LRGUK: variants seen among roughly 807,000 people sequenced by gnomAD.
LRGUK encodes the protein leucine rich repeats and guanylate kinase domain containing.
In LRGUK, 65 loss-of-function variants were observed where a neutral mutation model predicts 76.0. The ratio of observed to expected loss-of-function variants is 0.85; its 90% CI spans 0.70 to 1.05. The LOEUF (loss-of-function observed/expected upper bound fraction) is 1.05. LRGUK is among the 50% of genes least tolerant of loss of function. The pLI, the probability that LRGUK is intolerant of heterozygous loss-of-function variation, is 0.00. For missense variants in LRGUK, 758 were observed against 732.8 expected, an observed-to-expected ratio of 1.03 and a Z score of -0.40; for synonymous variants, 268 against 265.6, an observed-to-expected ratio of 1.01 and a Z score of -0.09.
chr7:134,263,933 C>A, exon 20 of LRGUK: 3 of 1,612,802 alleles, frequency 1.9e-6, no homozygotes, highest in East Asian at 2.2e-5. Context: ...CAGGTTCCAA[C>A]GTCAAACCCA....
intron 11 of LRGUK, among the ~76,000 whole-genome samples, 165 bp from the exon 12 acceptor site, chr7:134,191,490 A>G (rs1351937413): frequency 6.6e-6 from 1 of 152,228 alleles, no homozygotes; most frequent in South Asian, 2.1e-4. Context: ...TAGCAACTGA[A>G]TATAATTTAG....
chr7:134,176,389 A>AT (rs1161511566), intron 8 of LRGUK, among the ~76,000 whole-genome samples: 3 of 151,130 alleles, frequency 2.0e-5, no homozygotes, highest in Admixed American at 6.6e-5. Flanking sequence ...ATTAAATTAA[A>AT]TTTTTTTTTC....
chr7:134,127,738 T>G (rs1269235804), intron 1 of LRGUK, 74 bp downstream of exon 1: 14 of 1,495,692 alleles, frequency 9.4e-6, no homozygotes, highest in Non-Finnish European at 1.3e-5. Context: ...AGCTCCCCGA[T>G]GCACCCCCAC....
At chr7:134,174,372 T>C (rs1241058954) in intron 7 of LRGUK, among the ~76,000 whole-genome samples, 184 bp from the exon 8 acceptor site, 1 of 152,222 alleles carries the variant, frequency 6.6e-6, no homozygotes, top group African/African-American at 2.4e-5. Flanking sequence ...TGCACAGTTA[T>C]AGAAGGGGTA....
At chr7:134,147,387 A>G (rs1798019003) in intron 4 of LRGUK, among the ~76,000 whole-genome samples, 1 of 151,456 alleles carries the variant, frequency 6.6e-6, no homozygotes, top group South Asian at 2.1e-4. Flanking sequence ...GTGAGCTGAG[A>G]TCATGCCACA....
At chr7:134,130,916 A>G (rs1164168897) in intron 1 of LRGUK, among the ~76,000 whole-genome samples, 1 of 152,252 alleles carries the variant, frequency 6.6e-6, no homozygotes, top group Non-Finnish European at 1.5e-5. Flanking sequence ...TAATACTTAA[A>G]GAATTGTGAG....
At position 134,199,256 on chromosome 7, in the gene LRGUK, C is replaced by T. The variant is rs139500250; in HGVS notation, c.1582C>T (p.Arg528Cys). The change falls in exon 14 of 16, where the codon CGT becomes TGT. Residue 528 changes from arginine to cysteine, a missense_variant. Transcript: ENST00000645682. ...TTTGAAATATTCCTATTTTGAGCCT[C>T]GTTATATCCTGGTGGTGCCCATGAA... is the stretch of plus-strand genomic sequence containing the variant. 369 of 1,613,584 alleles carry T rather than the reference C, an allele frequency of 2.3e-4. No individual in the cohort carries two copies. The highest frequency in any genetic ancestry group is 4.9e-4 in the Middle Eastern group (3 of 6,080).
intron 18 of LRGUK, among the ~76,000 whole-genome samples, chr7:134,249,413 T>C (rs1802391125): frequency 6.6e-6 from 1 of 152,198 alleles, no homozygotes; most frequent in South Asian, 2.1e-4. Flanking sequence ...CAGGCAATGA[T>C]GTTCTGCTAA....
At chr7:134,275,599 A>G in the LRGUK span, among the ~76,000 whole-genome samples, 3 of 152,310 alleles carry the variant, frequency 2.0e-5, no homozygotes, top group South Asian at 6.2e-4. Flanking sequence ...TGTTATTTCT[A>G]GTGCCAGTTA....
intron 16 of LRGUK, among the ~76,000 whole-genome samples, chr7:134,243,781 AC>A (rs1243890549): frequency 5.9e-5 from 9 of 152,206 alleles, no homozygotes; most frequent in Admixed American, 4.6e-4. Flanking sequence ...TGGAGGCATC[AC>A]ACTACCTGAC....
chr7:134,225,211 T>A (rs765966308), intron 16 of LRGUK, among the ~76,000 whole-genome samples: 13 of 149,298 alleles, frequency 8.7e-5, no homozygotes, highest in Non-Finnish European at 1.6e-4. Flanking sequence ...GAAGACAGTA[T>A]GGGGAAACTG....
At chr7:134,208,739 G>A (rs1269641539) in exon 16 of LRGUK, 2 of 398,866 alleles carry the variant, frequency 5.0e-6, no homozygotes, top group East Asian at 7.1e-5. Flanking sequence ...TGTCTCTGGG[G>A]TGCCAGCACA....
intron 7 of LRGUK, among the ~76,000 whole-genome samples, chr7:134,170,222 A>G (rs1232437550): frequency 1.3e-5 from 2 of 151,948 alleles, no homozygotes; most frequent in South Asian, 2.1e-4. Context: ...CGTTGTACTC[A>G]TTGTACTTTT....
At chr7:134,198,624 G>A (rs999468008) in intron 13 of LRGUK, among the ~76,000 whole-genome samples, 3 of 152,170 alleles carry the variant, frequency 2.0e-5, no homozygotes, top group Non-Finnish European at 2.9e-5. Context: ...GGATTTGTGC[G>A]GCGTCTACAG....
chr7:134,235,621 C>T (rs1223807965), intron 16 of LRGUK, among the ~76,000 whole-genome samples: 1 of 152,052 alleles, frequency 6.6e-6, no homozygotes, highest in Non-Finnish European at 1.5e-5. Context: ...GTTGGTCTTC[C>T]CCTGTTAGAC....
chr7:134,157,962 A>T (rs1798556964), intron 5 of LRGUK, 73 bp from the exon 6 acceptor site: 1 of 1,410,310 alleles, frequency 7.1e-7, no homozygotes, highest in African/African-American at 1.4e-5. Flanking sequence ...TCTAGTGATG[A>T]TTTAACACTG....
chr7:134,242,243 C>CA (rs574386324), intron 16 of LRGUK, among the ~76,000 whole-genome samples: 8 of 151,730 alleles, frequency 5.3e-5, no homozygotes. Flanking sequence ...AAAAACCCTT[C>CA]AAAAATCAAT....
intron 5 of LRGUK, among the ~76,000 whole-genome samples, chr7:134,155,392 A>G (rs1267294818): frequency 9.2e-5 from 14 of 152,200 alleles, no homozygotes; most frequent in Non-Finnish European, 1.8e-4. Context: ...TTGTAGGGCT[A>G]TTCTGGCAGG....
chr7:134,145,932 A>G (rs987865198), intron 4 of LRGUK, among the ~76,000 whole-genome samples: 15 of 152,194 alleles, frequency 9.9e-5, no homozygotes, highest in Admixed American at 2.0e-4. Context: ...TCCAAGCTCT[A>G]GGTTCCAATG....
Sources: gnomAD v4.1 joint callset for allele counts (sites outside exome capture counted in the v4.1 genomes callset) on GRCh38, gnomAD v4.1.1 for gene constraint, MANE v1.5 for transcripts, NCBI Gene and HGNC (gene_info 2026-07-23, HGNC 2026-07-21) for gene names.